The following PMFBP1 variants were observed in gnomAD, a reference collection of about 807,000 sequenced individuals.
PMFBP1 encodes polyamine-modulated factor 1-binding protein 1.
In PMFBP1, 131 loss-of-function variants were observed where a neutral mutation model predicts 137.8. The observed-to-expected ratio is 0.95, with a 90% CI of 0.82 to 1.10. The LOEUF (loss-of-function observed/expected upper bound fraction) is 1.10, where lower values mean the gene tolerates loss of function less well. Ranked by LOEUF, PMFBP1 falls within the 50% of genes least tolerant of loss-of-function variation. The probability of loss-of-function intolerance (pLI) is 0.00; values close to 1 mark genes in which losing one functional copy is unlikely to be tolerated. For synonymous variants in PMFBP1, 490 were observed against 450.4 expected, an observed-to-expected ratio of 1.09 and a Z score of -1.11; for missense variants, 1,199 against 1,175.4, an observed-to-expected ratio of 1.02 and a Z score of -0.29.
the PMFBP1 span, among the ~76,000 whole-genome samples, chr16:72,216,958 C>T: frequency 6.6e-6 from 1 of 152,328 alleles, no homozygotes; most frequent in South Asian, 2.1e-4. Flanking sequence ...AGAAGAGTCA[C>T]ATGATAGATC....
At chr16:72,168,370 A>G (rs1410004392) in intron 2 of PMFBP1, among the ~76,000 whole-genome samples, 5 of 152,226 alleles carry the variant, frequency 3.3e-5, no homozygotes, top group Non-Finnish European at 5.9e-5. Flanking sequence ...AGAAAAGCCA[A>G]TGTTTCTGGG....
the PMFBP1 span, among the ~76,000 whole-genome samples, chr16:72,184,360 G>T: frequency 6.6e-6 from 1 of 152,140 alleles, no homozygotes; most frequent in Admixed American, 6.5e-5. Context: ...TGACCCACAG[G>T]CTTCTGCAAT....
the PMFBP1 span, among the ~76,000 whole-genome samples, chr16:72,225,880 T>C: frequency 6.6e-6 from 1 of 151,562 alleles, no homozygotes; most frequent in East Asian, 1.9e-4. Context: ...TTAATTCTTA[T>C]ACCTGACATC....
At chr16:72,158,527 C>A (rs1161737935) in intron 3 of PMFBP1, among the ~76,000 whole-genome samples, 1 of 151,996 alleles carries the variant, frequency 6.6e-6, no homozygotes, top group Non-Finnish European at 1.5e-5. Flanking sequence ...GATAGAGGGG[C>A]TTCTGAAGAG....
the PMFBP1 span, among the ~76,000 whole-genome samples, chr16:72,190,407 C>A: frequency 1.3e-5 from 2 of 152,200 alleles, no homozygotes; most frequent in Admixed American, 1.3e-4. Context: ...CTGTCATAAT[C>A]TTTGCAAAGG....
Position 72,125,964 on chromosome 16 carries a change from T to C in PMFBP1, c.2253+4A>G, listed in dbSNP as rs773091476. 1.4e-5 allele frequency: 23 copies of C among 1,613,752 alleles called. No individual in the cohort carries two copies. Among genetic ancestry groups the C allele is most frequent in the Non-Finnish European group, 1.9e-5 (23 of 1,179,880 alleles). ...GCCCTGGAGACTAGAGGGTGTGGCC[T>C]CACCTTCTCGAGGGCTTGTGTCAGG... On this transcript the variant is annotated splice_donor_region_variant and intron_variant, in intron 15 of 20. Transcript: ENST00000237353.
chr16:72,159,776 T>G (rs923755838), intron 3 of PMFBP1, among the ~76,000 whole-genome samples: 3 of 149,870 alleles, frequency 2.0e-5, no homozygotes, highest in African/African-American at 5.0e-5. Context: ...GGCACCAACT[T>G]ATTTCCTATT....
the PMFBP1 span, among the ~76,000 whole-genome samples, chr16:72,220,077 A>G: frequency 6.6e-6 from 1 of 152,274 alleles, no homozygotes; most frequent in Non-Finnish European, 1.5e-5. Context: ...ACACTCACGT[A>G]TGGCAGTTGG....
the PMFBP1 span, among the ~76,000 whole-genome samples, chr16:72,231,108 T>C: frequency 2.0e-5 from 3 of 152,134 alleles, no homozygotes; most frequent in African/African-American, 7.2e-5. Context: ...ATTGATTGGA[T>C]TGTGCAGAGA....
the PMFBP1 span, among the ~76,000 whole-genome samples, chr16:72,192,707 T>A: frequency 6.6e-6 from 1 of 151,862 alleles, no homozygotes; most frequent in African/African-American, 2.4e-5. Context: ...ATCAAGACCA[T>A]CCTGGCCAAT....
At chr16:72,168,510 T>C (rs996467933) in intron 2 of PMFBP1, among the ~76,000 whole-genome samples, 8 of 152,222 alleles carry the variant, frequency 5.3e-5, no homozygotes, top group Non-Finnish European at 8.8e-5. Flanking sequence ...GCAATAGGGA[T>C]AGATTTAATC....
At chr16:72,179,010 C>A (rs2043267682), upstream of PMFBP1, among the ~76,000 whole-genome samples, 1 of 152,236 alleles carries the variant, frequency 6.6e-6, no homozygotes, top group African/African-American at 2.4e-5. Flanking sequence ...TTGCCCTGGG[C>A]TGGCACTATG....
chr16:72,140,673 T>C (rs1473047089), intron 5 of PMFBP1, 91 bp from the exon 6 acceptor site: 1 of 1,185,822 alleles, frequency 8.4e-7, no homozygotes, highest in Non-Finnish European at 1.2e-6. Context: ...TAGACCTATA[T>C]TCTAAAGGTA....
intron 17 of PMFBP1, 135 bp downstream of exon 17, chr16:72,124,632 G>T: frequency 9.2e-7 from 1 of 1,081,878 alleles, no homozygotes; most frequent in Non-Finnish European, 1.3e-6. Context: ...CTTGCTTTGT[G>T]CTAAATGGAG....
At chr16:72,141,128 G>T (rs1441328718) in intron 5 of PMFBP1, among the ~76,000 whole-genome samples, 1 of 151,696 alleles carries the variant, frequency 6.6e-6, no homozygotes, top group East Asian at 1.9e-4. Context: ...GTAGAGACAG[G>T]GTTTCGCCAC....
chr16:72,125,108 A>G, intron 16 of PMFBP1, 130 bp downstream of exon 16: 2 of 1,405,828 alleles, frequency 1.4e-6, no homozygotes, highest in South Asian at 1.4e-5. Context: ...TCTGAAGTTC[A>G]GGGAGCCAAG....
the PMFBP1 span, among the ~76,000 whole-genome samples, chr16:72,232,200 T>C: frequency 6.6e-6 from 1 of 152,208 alleles, no homozygotes; most frequent in African/African-American, 2.4e-5. Context: ...GCCTTTCAGA[T>C]CTCAATCAAT....
intron 5 of PMFBP1, among the ~76,000 whole-genome samples, chr16:72,150,372 G>A (rs533165648): frequency 1.3e-5 from 2 of 152,276 alleles, no homozygotes; most frequent in East Asian, 3.9e-4. Flanking sequence ...CTCTTTTGGC[G>A]TTATTTGAAG....
chr16:72,187,373 A>G, the PMFBP1 span, among the ~76,000 whole-genome samples: 1 of 152,140 alleles, frequency 6.6e-6, no homozygotes, highest in Non-Finnish European at 1.5e-5. Flanking sequence ...GTCAAGTCAT[A>G]GGGATGGGGA....
Sources: allele counts gnomAD v4.1 joint callset (sites outside exome capture counted in the v4.1 genomes callset), GRCh38; gene constraint gnomAD v4.1.1; transcripts MANE v1.5; gene names NCBI Gene and HGNC (gene_info 2026-07-23, HGNC 2026-07-21).